The following SAMD13 variants were observed in gnomAD, a reference collection of about 807,000 sequenced individuals.
SAMD13 encodes sterile alpha motif domain-containing protein 13.
Under a neutral mutation model 12.4 loss-of-function variants are expected in SAMD13, and 9 were observed. The ratio of observed to expected loss-of-function variants is 0.72; its 90% CI spans 0.44 to 1.26. The LOEUF (loss-of-function observed/expected upper bound fraction) is 1.26. Ranked by LOEUF, SAMD13 falls within the 50% of genes most tolerant of loss-of-function variation. The pLI is 0.00. For missense variants in SAMD13, 84 were observed against 119.6 expected (o/e 0.70, Z 1.39); for synonymous variants, 46 against 45.4 (o/e 1.01, Z -0.05).
chr1:84,299,438 G>A, upstream of SAMD13: 1 of 312,360 alleles, frequency 3.2e-6, no homozygotes, highest in Non-Finnish European at 6.1e-6. Context: ...ATCCCATAAT[G>A]TGCTGGATCG....
chr1:84,308,107 G>A (rs1678623176), intron 2 of SAMD13, among the ~76,000 whole-genome samples: 2 of 152,118 alleles, frequency 1.3e-5, no homozygotes, highest in African/African-American at 4.8e-5. Flanking sequence ...CATCTCTCAA[G>A]GATTACTGTC....
intron 3 of SAMD13, among the ~76,000 whole-genome samples, chr1:84,341,102 A>G: frequency 6.6e-6 from 1 of 152,164 alleles, no homozygotes; most frequent in East Asian, 1.9e-4. Context: ...TCCCATTCTC[A>G]GTCTTTCAGA....
intron 3 of SAMD13, among the ~76,000 whole-genome samples, chr1:84,336,655 A>G (rs1057205235): frequency 6.6e-6 from 1 of 152,120 alleles, no homozygotes; most frequent in Non-Finnish European, 1.5e-5. Context: ...ACACAGCCAA[A>G]CCATATCACT....
rs1302107542 is a variant in SAMD13, at chr1:84,349,808, T to C, written c.*34T>C. 1.8e-5 allele frequency: 28 copies of C among 1,585,034 alleles called. No individual in the cohort carries two copies. The highest frequency in any genetic ancestry group is 2.3e-5 in the Non-Finnish European group (27 of 1,165,490). On this transcript the variant is annotated 3_prime_UTR_variant, in exon 4 of 4. Transcript: ENST00000394834. ...AATTGGGGTCTTCGACCTCAAAAAA[T>C]ACATAATGACATAATTTAGTTTCAT...
At chr1:84,331,919 A>G (rs917658279) in intron 3 of SAMD13, among the ~76,000 whole-genome samples, 1 of 151,834 alleles carries the variant, frequency 6.6e-6, no homozygotes, top group Non-Finnish European at 1.5e-5. Context: ...CCCAGTGTCT[A>G]TTGTTCCTTT....
At chr1:84,302,719 T>TGACAAAGGACACAAAAG (rs1431340721) in intron 1 of SAMD13, 1 of 983,204 alleles carries the variant, frequency 1.0e-6, no homozygotes. Context: ...ACAAAAGCTT[T>TGACAAAGGACACAAAAG]AAGTGTCCTT....
intron 2 of SAMD13, among the ~76,000 whole-genome samples, chr1:84,321,915 G>A (rs538619567): frequency 6.6e-6 from 1 of 152,286 alleles, no homozygotes; most frequent in South Asian, 2.1e-4. Flanking sequence ...CATCCATCGT[G>A]CATTAACACG....
chr1:84,312,780 A>T (rs1221472905), intron 2 of SAMD13, among the ~76,000 whole-genome samples: 1 of 152,184 alleles, frequency 6.6e-6, no homozygotes, highest in Non-Finnish European at 1.5e-5. Context: ...ATTGAAACTA[A>T]ATTAAATTTA....
chr1:84,318,809 C>A (rs982046723), intron 2 of SAMD13, among the ~76,000 whole-genome samples: 2 of 151,996 alleles, frequency 1.3e-5, no homozygotes, highest in African/African-American at 4.8e-5. Flanking sequence ...ATAAATAAGT[C>A]TTTGATTATT....
chr1:84,337,413 G>A lies in SAMD13; in HGVS notation c.165+11665G>A, dbSNP rs115639265. 4.0e-3 allele frequency among the ~76,000 whole-genome samples: 614 copies of A among 152,220 alleles called. 7 individuals are homozygous for A. The highest frequency in any genetic ancestry group is 0.014 in the African/African-American group (562 of 41,534). Reference sequence around the variant, plus strand: ...CTCAATTCTTGACTTCTCTGCACTCGCAGGTTCAACACCACATGGAAGCTG... The same window carrying A: ...CTCAATTCTTGACTTCTCTGCACTCACAGGTTCAACACCACATGGAAGCTG... On this transcript the variant is annotated intron_variant, in intron 3 of 3. Coordinates refer to ENST00000394834, the MANE Select transcript of SAMD13 (RefSeq NM_001134663.2).
chr1:84,317,327 T>C (rs1678855971), intron 2 of SAMD13, among the ~76,000 whole-genome samples: 1 of 152,128 alleles, frequency 6.6e-6, no homozygotes, highest in African/African-American at 2.4e-5. Flanking sequence ...TTGAGTATGA[T>C]GTTAGCTATG....
At chr1:84,307,989 C>G (rs144318030) in intron 2 of SAMD13, among the ~76,000 whole-genome samples, 504 of 152,194 alleles carry the variant, frequency 3.3e-3, no homozygotes, top group Non-Finnish European at 5.4e-3. Flanking sequence ...TTGAAGGGAA[C>G]CCTCTGCAGA....
chr1:84,312,301 C>A (rs908375357), intron 2 of SAMD13, among the ~76,000 whole-genome samples: 85 of 152,022 alleles, frequency 5.6e-4, no homozygotes, highest in African/African-American at 2.0e-3. Flanking sequence ...AATTGCTATT[C>A]ATCATGAAAT....
At chr1:84,299,660 T>TATAA, upstream of SAMD13, 1 of 883,162 alleles carries the variant, frequency 1.1e-6, no homozygotes, top group Non-Finnish European at 1.5e-6. Flanking sequence ...TACTAGTGTA[T>TATAA]ATATATATAT....
chr1:84,342,497 A>C lies in SAMD13; in HGVS notation c.166-7134A>C, dbSNP rs574177571. Among the ~76,000 whole-genome samples, 500 of 151,262 alleles carry C rather than the reference A, an allele frequency of 3.3e-3. 3 individuals are homozygous for C. The highest frequency in any genetic ancestry group is 7.3e-3 in the Admixed American group (112 of 15,268). ...GTAACCAAAACAGCATGGTATTGGT[A>C]TAAAAACAGACACCTAGACCAATAG... is the stretch of plus-strand genomic sequence containing the variant. On this transcript the variant is annotated intron_variant, in intron 3 of 3. Coordinates refer to ENST00000394834, the MANE Select transcript of SAMD13 (RefSeq NM_001134663.2).
At chr1:84,301,672 AT>A, upstream of SAMD13, 1 of 985,350 alleles carries the variant, frequency 1.0e-6, no homozygotes, top group Non-Finnish European at 1.2e-6. Context: ...GCCTGGTTTT[AT>A]TTCACTGTGT....
Position 84,336,316 on chromosome 1 carries a change from G to A in SAMD13, c.165+10568G>A, listed in dbSNP as rs940223229. Among the ~76,000 whole-genome samples, 9 of 151,900 alleles carry A rather than the reference G, an allele frequency of 5.9e-5. No individual in the cohort carries two copies. In the East Asian group the frequency reaches 7.7e-4, roughly 13 times the overall value. ...AGCCAGTGTATTGGTCCATTTTCAC[G>A]CTGCTGATAAAGACATGTAAATTGC... is the stretch of plus-strand genomic sequence containing the variant. On this transcript the variant is annotated intron_variant, in intron 3 of 3. Coordinates refer to ENST00000394834, the MANE Select transcript of SAMD13 (RefSeq NM_001134663.2).
chr1:84,330,891 C>T (rs897547947), intron 3 of SAMD13, among the ~76,000 whole-genome samples: 16 of 152,132 alleles, frequency 1.1e-4, no homozygotes, highest in African/African-American at 3.9e-4. Context: ...ATAATCATGA[C>T]AAAATAATAT....
chr1:84,309,899 A>G (rs890607457), intron 2 of SAMD13, among the ~76,000 whole-genome samples: 5 of 152,164 alleles, frequency 3.3e-5, no homozygotes. Context: ...AAATGCGGCA[A>G]TTCTAATCAT....
Sources: allele counts gnomAD v4.1 joint callset (sites outside exome capture counted in the v4.1 genomes callset), GRCh38; gene constraint gnomAD v4.1.1; transcripts MANE v1.5; gene names NCBI Gene and HGNC (gene_info 2026-07-23, HGNC 2026-07-21).